LAMC3: variants seen among roughly 807,000 people sequenced by gnomAD.
The protein encoded by LAMC3 is laminin subunit gamma 3.
LAMC3 carries 128 observed loss-of-function variants against 173.8 expected under a neutral mutation model. That is an observed-to-expected ratio of 0.74 (90% confidence interval 0.64 to 0.85). The LOEUF (loss-of-function observed/expected upper bound fraction) is 0.85. LAMC3 is among the 40% of genes least tolerant of loss of function. The pLI, the probability that LAMC3 is intolerant of heterozygous loss-of-function variation, is 0.00. For synonymous variants in LAMC3, 897 were observed against 909.1 expected (o/e 0.99, Z 0.24); for missense variants, 2,022 against 2,156.0 (o/e 0.94, Z 1.23).
intron 1 of LAMC3, among the ~76,000 whole-genome samples, chr9:131,014,280 T>C (rs1174863407): frequency 6.6e-6 from 1 of 152,268 alleles, no homozygotes; most frequent in Non-Finnish European, 1.5e-5. Context: ...GCCTTACATG[T>C]GCTGTGGCTT....
At chr9:131,052,408 T>C in intron 9 of LAMC3, 83 bp from the exon 10 acceptor site, 2 of 1,250,216 alleles carry the variant, frequency 1.6e-6, no homozygotes, top group Non-Finnish European at 2.4e-6. Flanking sequence ...TTTGAATGTT[T>C]AGTTGCCGAT....
At position 131,009,481 on chromosome 9, in the gene LAMC3, C is replaced by G; in HGVS notation, c.267C>G (p.Ser89=). 2.6e-6 allele frequency: 4 copies of G among 1,549,748 alleles called. No individual in the cohort carries two copies. Among genetic ancestry groups the G allele is most frequent in the South Asian group, 2.4e-5 (2 of 84,052 alleles). The part of the protein sequence containing the change: ...AADPQRHHNA[S]YLTDFHSQDE... ...ACCCCCAGCGCCACCACAACGCCTC[C>G]TACCTCACCGACTTCCACAGCCAGG... Residue 89 remains serine, a synonymous_variant, in exon 1 of 28, where the codon TCC becomes TCG. Coordinates refer to ENST00000361069, the MANE Select transcript of LAMC3 (RefSeq NM_006059.4). This position sits in a 1 kb window ranked among gnomAD's most constrained non-coding sequence, Gnocchi z 4.3.
chr9:131,024,389 A>C (rs548633925), intron 1 of LAMC3, among the ~76,000 whole-genome samples: 1 of 152,112 alleles, frequency 6.6e-6, no homozygotes, highest in South Asian at 2.1e-4. Context: ...CAGGTGATCC[A>C]CCCGCTTCGG....
intron 4 of LAMC3, among the ~76,000 whole-genome samples, chr9:131,038,457 CCT>C (rs1268526138): frequency 4.6e-5 from 7 of 152,136 alleles, no homozygotes; most frequent in Non-Finnish European, 8.8e-5. Flanking sequence ...TTTCTGTACC[CCT>C]GAGTGACCTC....
At chr9:131,038,090 G>A (rs1833977466) in intron 4 of LAMC3, among the ~76,000 whole-genome samples, 1 of 152,146 alleles carries the variant, frequency 6.6e-6, no homozygotes, top group Non-Finnish European at 1.5e-5. Context: ...CCTCCTGTCT[G>A]CGACGCCCTT....
chr9:131,038,958 C>T lies in LAMC3; in HGVS notation c.1071C>T (p.Asp357=), dbSNP rs375590744. Residue 357 remains aspartate (D), a synonymous_variant, in exon 5 of 28, where the codon GAC becomes GAT. Coordinates refer to ENST00000361069, the MANE Select transcript of LAMC3 (RefSeq NM_006059.4). ...GHGGRCHHCR[D]HTAGPHCERC... is the part of the protein sequence containing the mutation. ...GCGGGCGCTGTCACCACTGCCGTGA[C>T]CACACAGCTGGGCCACACTGTGAGC... 12 of 1,613,268 alleles carry T rather than the reference C, an allele frequency of 7.4e-6. 1 individual carries two copies. In the South Asian group the frequency reaches 1.2e-4, roughly 16 times the overall value.
At position 131,026,178 on chromosome 9, in the gene LAMC3, C is replaced by G; in HGVS notation, c.374-107C>G. 1 of 1,556,102 alleles carries G rather than the reference C, an allele frequency of 6.4e-7. No homozygotes were observed. On this transcript the variant is annotated intron_variant, in intron 1 of 27. Coordinates refer to ENST00000361069, the MANE Select transcript of LAMC3 (RefSeq NM_006059.4). The surrounding 1 kb of genome is among the most constrained non-coding windows in gnomAD (Gnocchi z 4.8). Reference sequence around the variant, plus strand: ...GTCCAGAGCTCCAGACAGCTTCCAGCGATCCATCCACGCTAGTGCCTGCAA... The same window carrying G: ...GTCCAGAGCTCCAGACAGCTTCCAGGGATCCATCCACGCTAGTGCCTGCAA...
In LAMC3 at chr9:131,026,031, G is replaced by A. The variant is rs139164949; in HGVS notation, c.374-254G>A. ...GGCTGCCTCTCAGGGGTGTTGCAACGGAGATTCCTGTGCAGGGTGGCGAGT... is the reference window on the plus strand; with the variant it reads ...GGCTGCCTCTCAGGGGTGTTGCAACAGAGATTCCTGTGCAGGGTGGCGAGT... On this transcript the variant is annotated intron_variant, in intron 1 of 27. Coordinates refer to ENST00000361069, the MANE Select transcript of LAMC3 (RefSeq NM_006059.4). The surrounding 1 kb of genome is among the most constrained non-coding windows in gnomAD (Gnocchi z 4.8). Among the ~76,000 whole-genome samples the A allele has an allele frequency of 2.4e-3, 364 of 152,278 alleles. 3 individuals are homozygous for A. The highest frequency in any genetic ancestry group is 7.8e-3 in the African/African-American group (324 of 41,552).
intron 10 of LAMC3, 48 bp from the exon 11 acceptor site, chr9:131,052,802 C>A: frequency 2.7e-6 from 3 of 1,113,862 alleles, no homozygotes; most frequent in East Asian, 2.4e-5. Context: ...AGGCATGGTA[C>A]CCCCCCACCC....
intron 23 of LAMC3, 66 bp from the exon 24 acceptor site, chr9:131,081,993 A>G (rs1257040198): frequency 2.5e-5 from 31 of 1,259,370 alleles, no homozygotes; most frequent in Non-Finnish European, 3.5e-5. Context: ...TTTGGTGCCC[A>G]CTGAGCTGCC....
chr9:131,036,421 C>T, intron 4 of LAMC3, 89 bp downstream of exon 4: 1 of 1,492,588 alleles, frequency 6.7e-7, no homozygotes, highest in Non-Finnish European at 9.2e-7. Context: ...GTGGTGGGGG[C>T]TGCTCCTGGG....
At chr9:131,022,010 G>A (rs760720181) in intron 1 of LAMC3, among the ~76,000 whole-genome samples, 7 of 152,156 alleles carry the variant, frequency 4.6e-5, no homozygotes, top group African/African-American at 9.7e-5. Context: ...GACGCTTCAT[G>A]CATCAGCATT....
chr9:131,056,487 A>G (rs1467550571), intron 11 of LAMC3, among the ~76,000 whole-genome samples: 2 of 116,910 alleles, frequency 1.7e-5, no homozygotes, highest in African/African-American at 3.7e-5. Flanking sequence ...CCTTGAATTG[A>G]CAATTTGAAA....
In LAMC3 at chr9:131,073,242, C is replaced by A; in HGVS notation, c.3418-3C>A. The A allele has an allele frequency of 1.2e-6, 2 of 1,611,038 alleles. No individual in the cohort carries two copies. On this transcript the variant is annotated splice_polypyrimidine_tract_variant and splice_region_variant and intron_variant, in intron 19 of 27. Transcript: ENST00000361069. ...TTTCCTCCTCTTCCTCTTCTTTCTA[C>A]AGGAGATTCCTCAGGAAGGTCCCAG...
chr9:131,078,529 G>T (rs1830174767), intron 22 of LAMC3, among the ~76,000 whole-genome samples: 2 of 152,150 alleles, frequency 1.3e-5, no homozygotes, highest in African/African-American at 4.8e-5. Flanking sequence ...TTATAAAAAT[G>T]CATTTGGGAC....
intron 25 of LAMC3, among the ~76,000 whole-genome samples, chr9:131,086,888 C>T (rs1348859645): frequency 8.1e-5 from 11 of 135,734 alleles, no homozygotes; most frequent in Admixed American, 3.6e-4. Flanking sequence ...GACTCTGCCT[C>T]GAAAAAAAAA....
chr9:131,029,841 T>C lies in LAMC3; in HGVS notation c.679-2204T>C, dbSNP rs1348131185. Among the ~76,000 whole-genome samples the C allele has an allele frequency of 6.6e-6, 1 of 152,168 alleles. No individual in the cohort carries two copies. The highest frequency in any genetic ancestry group is 2.4e-5 in the African/African-American group (1 of 41,434). On this transcript the variant is annotated intron_variant, in intron 2 of 27. Coordinates refer to ENST00000361069, the MANE Select transcript of LAMC3 (RefSeq NM_006059.4). The surrounding 1 kb of genome is among the most constrained non-coding windows in gnomAD (Gnocchi z 4.6). ...CACCTCCTGCTTCTCCTTAATGCCA[T>C]GGCCTGAGTCCTGGGATCCATCTAA...
At chr9:131,032,454 C>T (rs928223767) in intron 3 of LAMC3, among the ~76,000 whole-genome samples, 3 of 152,004 alleles carry the variant, frequency 2.0e-5, no homozygotes, top group African/African-American at 7.2e-5. Context: ...TCCCTCCCTC[C>T]CTTCCTCCCT....
chr9:131,046,345 G>A (rs961048615), intron 8 of LAMC3, among the ~76,000 whole-genome samples: 2 of 151,080 alleles, frequency 1.3e-5, no homozygotes, highest in Admixed American at 6.6e-5. Flanking sequence ...TAGGACCACA[G>A]GTGTGCACCA....
Sources: allele counts gnomAD v4.1 joint callset (sites outside exome capture counted in the v4.1 genomes callset), GRCh38; gene constraint gnomAD v4.1.1; non-coding constraint Gnocchi (gnomAD v3.1); transcripts MANE v1.5; gene names NCBI Gene and HGNC (gene_info 2026-07-23, HGNC 2026-07-21).